DIS3L2: variants seen among roughly 807,000 people sequenced by gnomAD.
The protein encoded by DIS3L2 is DIS3-like exonuclease 2.
A neutral mutation model predicts 97.5 loss-of-function variants in DIS3L2; 34 were observed. The ratio of observed to expected loss-of-function variants is 0.35; its 90% CI spans 0.27 to 0.46. The LOEUF (loss-of-function observed/expected upper bound fraction) is 0.46, where lower values mean the gene tolerates loss of function less well. Among genes scored for constraint, DIS3L2 ranks in the 20% least tolerant of loss-of-function variants. The pLI, the probability that DIS3L2 is intolerant of heterozygous loss-of-function variation, is 1.00. For missense variants in DIS3L2, 1,038 were observed against 1,146.0 expected (o/e 0.91, Z 1.36); for synonymous variants, 435 against 445.2 (o/e 0.98, Z 0.29).
At chr2:232,322,300 T>G (rs1468966097) in intron 14 of DIS3L2, among the ~76,000 whole-genome samples, 2 of 152,220 alleles carry the variant, frequency 1.3e-5, no homozygotes, top group East Asian at 3.9e-4. Flanking sequence ...GAGCTCCCTG[T>G]GCTCCTGCCA....
chr2:232,315,749 G>A (rs888280822), intron 14 of DIS3L2, among the ~76,000 whole-genome samples: 11 of 152,188 alleles, frequency 7.2e-5, no homozygotes, highest in Admixed American at 2.0e-4. Flanking sequence ...AAAAGATTTC[G>A]TAGAGTGACT....
downstream of DIS3L2, among the ~76,000 whole-genome samples, chr2:232,340,543 C>G (rs143913509): frequency 7.7e-3 from 1,177 of 152,288 alleles, 36 homozygotes; most frequent in Admixed American, 0.052. Context: ...CAGGCCTGTT[C>G]AGGGGGATGT....
chr2:231,986,324 C>T (rs992652646), intron 1 of DIS3L2, among the ~76,000 whole-genome samples: 3 of 152,146 alleles, frequency 2.0e-5, no homozygotes, highest in African/African-American at 7.2e-5. Flanking sequence ...ATTAGTTCTG[C>T]CCCTCTGGAG....
intron 10 of DIS3L2, among the ~76,000 whole-genome samples, chr2:232,216,959 C>T (rs1333840904): frequency 6.6e-6 from 1 of 151,918 alleles, no homozygotes; most frequent in Non-Finnish European, 1.5e-5. Flanking sequence ...TCTCCTTCCT[C>T]AGCCTCCCGA....
chr2:231,965,563 G>C (rs1692685861), intron 1 of DIS3L2, among the ~76,000 whole-genome samples: 1 of 151,102 alleles, frequency 6.6e-6, no homozygotes, highest in African/African-American at 2.4e-5. Context: ...AAGATGTTTT[G>C]TTGCTTTCTT....
chr2:232,113,452 T>C (rs1697600106), intron 6 of DIS3L2, among the ~76,000 whole-genome samples: 1 of 152,246 alleles, frequency 6.6e-6, no homozygotes, highest in African/African-American at 2.4e-5. Context: ...CAGGCCTGCA[T>C]GAATATGCTT....
chr2:232,083,343 A>G (rs900351291), intron 5 of DIS3L2, among the ~76,000 whole-genome samples: 5 of 148,360 alleles, frequency 3.4e-5, no homozygotes, highest in Non-Finnish European at 5.9e-5. Context: ...AGAAAGTTCA[A>G]CCTGCAGATT....
At chr2:232,143,209 T>C (rs1043257048) in intron 8 of DIS3L2, among the ~76,000 whole-genome samples, 1 of 152,172 alleles carries the variant, frequency 6.6e-6, no homozygotes, top group Non-Finnish European at 1.5e-5. Flanking sequence ...AGTACGTTTT[T>C]AATAGGCATA....
At chr2:232,297,949 G>A (rs1268122295) in intron 13 of DIS3L2, among the ~76,000 whole-genome samples, 3 of 152,028 alleles carry the variant, frequency 2.0e-5, no homozygotes, top group South Asian at 2.1e-4. Flanking sequence ...CACCCGCCTC[G>A]GCCTCCCAAA....
intron 8 of DIS3L2, among the ~76,000 whole-genome samples, chr2:232,139,474 G>A (rs749390381): frequency 8.6e-5 from 13 of 152,026 alleles, no homozygotes; most frequent in Non-Finnish European, 1.5e-4. Context: ...GTTTTCCCTC[G>A]TCAGTAGTTT....
intron 5 of DIS3L2, among the ~76,000 whole-genome samples, chr2:232,051,979 T>C (rs1476664191): frequency 1.3e-5 from 2 of 151,996 alleles, no homozygotes; most frequent in Non-Finnish European, 2.9e-5. Flanking sequence ...CTATAATGTT[T>C]CTTCATTAAT....
At chr2:232,335,239 C>G (rs1186731846) in intron 19 of DIS3L2, 1 of 176,894 alleles carries the variant, frequency 5.7e-6, no homozygotes, top group East Asian at 1.6e-4. Context: ...CCACCTGCCT[C>G]TGTGCCTGGC....
intron 6 of DIS3L2, among the ~76,000 whole-genome samples, chr2:232,092,394 A>T (rs1306599636): frequency 2.0e-5 from 3 of 151,276 alleles, no homozygotes; most frequent in Admixed American, 2.0e-4. Flanking sequence ...ACTATTTTGG[A>T]TCTTTGTGGT....
chr2:232,060,783 A>G (rs1040204875), intron 5 of DIS3L2, among the ~76,000 whole-genome samples: 1 of 152,184 alleles, frequency 6.6e-6, no homozygotes, highest in Non-Finnish European at 1.5e-5. Context: ...CTTCCAACCA[A>G]TGAGCATGGA....
At chr2:232,327,220 C>T (rs4973520) in intron 14 of DIS3L2, among the ~76,000 whole-genome samples, 49,770 of 151,928 alleles carry the variant, frequency 0.33, 11,622 homozygotes, top group African/African-American at 0.64. Flanking sequence ...TCACCCTGCC[C>T]GCCTGGTGGC....
At chr2:232,154,389 T>C (rs1213410705) in intron 8 of DIS3L2, among the ~76,000 whole-genome samples, 3 of 12,908 alleles carry the variant, frequency 2.3e-4, no homozygotes, top group Non-Finnish European at 5.6e-4. Context: ...TCGGTGTAGA[T>C]GTCCTTTCTG....
At chr2:231,977,981 T>C (rs1693147062) in intron 1 of DIS3L2, among the ~76,000 whole-genome samples, 1 of 152,218 alleles carries the variant, frequency 6.6e-6, no homozygotes. Context: ...TGAGTCTCCT[T>C]GTGATACAAC....
At chr2:232,114,149 C>A (rs1697627522) in intron 6 of DIS3L2, among the ~76,000 whole-genome samples, 1 of 152,122 alleles carries the variant, frequency 6.6e-6, no homozygotes, top group Non-Finnish European at 1.5e-5. Context: ...TCCTTAAAAT[C>A]TCTGATCCCT....
At chr2:232,132,408 C>T (rs948438046) in intron 7 of DIS3L2, among the ~76,000 whole-genome samples, 4 of 152,090 alleles carry the variant, frequency 2.6e-5, no homozygotes, top group African/African-American at 9.7e-5. Context: ...CCTATTTTTT[C>T]TTGCTCCTCC....
Sources: allele counts gnomAD v4.1 joint callset (sites outside exome capture counted in the v4.1 genomes callset), GRCh38; gene constraint gnomAD v4.1.1; transcripts MANE v1.5; gene names NCBI Gene and HGNC (gene_info 2026-07-23, HGNC 2026-07-21).